COL19A1: variants seen among roughly 807,000 people sequenced by gnomAD.
COL19A1 encodes the protein collagen alpha-1(XIX) chain.
COL19A1 carries 159 observed loss-of-function variants against 190.2 expected under a neutral mutation model. The observed-to-expected ratio is 0.84, with a 90% CI of 0.73 to 0.95. The LOEUF is 0.95. COL19A1 is among the 40% of genes least tolerant of loss of function. The pLI, the probability that COL19A1 is intolerant of heterozygous loss-of-function variation, is 0.00. For missense variants in COL19A1, 1,418 were observed against 1,431.9 expected, an observed-to-expected ratio of 0.99 and a Z score of 0.16; for synonymous variants, 509 against 458.9, an observed-to-expected ratio of 1.11 and a Z score of -1.39.
At chr6:69,991,872 TG>T (rs1255951472) in intron 11 of COL19A1, among the ~76,000 whole-genome samples, 16 of 152,076 alleles carry the variant, frequency 1.1e-4, no homozygotes, top group Admixed American at 1.1e-3. Context: ...ATTTTTTGTT[TG>T]TTTTTTGCTG....
rs1405247884 is a variant in COL19A1, at chr6:70,149,981, T to C, written c.1984-11T>C. The C allele has an allele frequency of 6.2e-7, 1 of 1,613,760 alleles. No individual in the cohort carries two copies. The highest frequency in any genetic ancestry group is 8.5e-7 in the Non-Finnish European group (1 of 1,179,794). ...CGTGCAAAGATTGAACATGGATACCTCTGTTTTCAGGGAGTTCCAGGGAGA... is the reference window on the plus strand; with the variant it reads ...CGTGCAAAGATTGAACATGGATACCCCTGTTTTCAGGGAGTTCCAGGGAGA... On this transcript the variant is annotated splice_polypyrimidine_tract_variant and intron_variant, in intron 29 of 50. Coordinates refer to ENST00000620364, the MANE Select transcript of COL19A1 (RefSeq NM_001858.6).
chr6:70,186,257 A>G (rs1298250915), intron 46 of COL19A1, among the ~76,000 whole-genome samples: 1 of 152,178 alleles, frequency 6.6e-6, no homozygotes, highest in Non-Finnish European at 1.5e-5. Context: ...TACCTAACTT[A>G]TAAAATAATT....
chr6:69,988,029 A>G (rs1776403668), intron 11 of COL19A1, among the ~76,000 whole-genome samples: 3 of 152,212 alleles, frequency 2.0e-5, no homozygotes, highest in Non-Finnish European at 4.4e-5. Context: ...CAGGTTCTGG[A>G]AAAGACTCAA....
intron 14 of COL19A1, among the ~76,000 whole-genome samples, chr6:70,049,674 G>A (rs1780093314): frequency 1.3e-5 from 2 of 151,954 alleles, no homozygotes; most frequent in East Asian, 3.8e-4. Context: ...TTTCCTAAAA[G>A]TGCTATGCAT....
intron 9 of COL19A1, among the ~76,000 whole-genome samples, chr6:69,955,522 A>AGTGT (rs60501043): frequency 0.035 from 4,809 of 138,888 alleles, 104 homozygotes; most frequent in East Asian, 0.052. Flanking sequence ...GCCACAGCAA[A>AGTGT]GTGTGTGTGT....
chr6:70,075,739 A>T (rs1781844174), intron 15 of COL19A1, among the ~76,000 whole-genome samples: 1 of 152,040 alleles, frequency 6.6e-6, no homozygotes, highest in African/African-American at 2.4e-5. Context: ...AGTGCACTTG[A>T]GATAGAAGAG....
At chr6:70,001,037 A>C (rs918216268) in intron 11 of COL19A1, among the ~76,000 whole-genome samples, 1 of 152,080 alleles carries the variant, frequency 6.6e-6, no homozygotes, top group African/African-American at 2.4e-5. Flanking sequence ...TCTTGAGTTA[A>C]TTTTTGTATA....
At chr6:69,965,990 T>C (rs1327573680) in intron 11 of COL19A1, among the ~76,000 whole-genome samples, 1 of 152,210 alleles carries the variant, frequency 6.6e-6, no homozygotes, top group African/African-American at 2.4e-5. Flanking sequence ...TAGTGCAGGC[T>C]GCTACTACAA....
At chr6:69,966,855 A>C (rs1472607687) in intron 11 of COL19A1, among the ~76,000 whole-genome samples, 1 of 152,092 alleles carries the variant, frequency 6.6e-6, no homozygotes, top group East Asian at 1.9e-4. Context: ...CCCTGAGCTC[A>C]AGTTTTTACT....
intron 11 of COL19A1, among the ~76,000 whole-genome samples, chr6:69,996,953 T>C (rs1776942549): frequency 6.6e-6 from 1 of 151,268 alleles, no homozygotes; most frequent in Non-Finnish European, 1.5e-5. Context: ...TATATGTATG[T>C]ACATATATAG....
At chr6:70,026,493 A>T (rs1198117807) in intron 12 of COL19A1, among the ~76,000 whole-genome samples, 2 of 152,244 alleles carry the variant, frequency 1.3e-5, no homozygotes, top group East Asian at 3.8e-4. Context: ...AAGCATGACA[A>T]AGCACATTAA....
intron 31 of COL19A1, among the ~76,000 whole-genome samples, chr6:70,153,399 C>T (rs921440887): frequency 2.6e-4 from 40 of 152,244 alleles, no homozygotes; most frequent in African/African-American, 7.5e-4. Flanking sequence ...CCTCTTTGAA[C>T]GACTTTGTGT....
chr6:70,142,196 T>C, intron 22 of COL19A1, 120 bp downstream of exon 22: 2 of 879,638 alleles, frequency 2.3e-6, no homozygotes, highest in Non-Finnish European at 3.5e-6. Flanking sequence ...CAAGACTTTA[T>C]CCTGTTTCCA....
At chr6:70,143,378 T>G (rs181604064) in intron 23 of COL19A1, among the ~76,000 whole-genome samples, 1 of 152,300 alleles carries the variant, frequency 6.6e-6, no homozygotes. Flanking sequence ...ATCAGCTTTT[T>G]GTTCCTTGGA....
intron 39 of COL19A1, 63 bp downstream of exon 39, chr6:70,168,278 A>G: frequency 6.5e-7 from 1 of 1,540,150 alleles, no homozygotes; most frequent in Non-Finnish European, 8.9e-7. Context: ...AAAACAAACA[A>G]TAAAAACCTC....
At chr6:70,168,775 G>A in intron 40 of COL19A1, 94 bp downstream of exon 40, 2 of 1,323,836 alleles carry the variant, frequency 1.5e-6, no homozygotes, top group Non-Finnish European at 2.1e-6. Context: ...GCCTTCTTAG[G>A]TGTTCATCAA....
intron 15 of COL19A1, among the ~76,000 whole-genome samples, chr6:70,089,171 T>C (rs1460528869): frequency 6.6e-6 from 1 of 152,174 alleles, no homozygotes; most frequent in African/African-American, 2.4e-5. Flanking sequence ...ATTTGACTTT[T>C]TCCAAATAAT....
At chr6:70,007,771 C>A (rs1009032009) in intron 11 of COL19A1, among the ~76,000 whole-genome samples, 1 of 151,932 alleles carries the variant, frequency 6.6e-6, no homozygotes, top group African/African-American at 2.4e-5. Context: ...TAATAAAATA[C>A]ACATTTTTCC....
intron 15 of COL19A1, chr6:70,098,662 C>T (rs17712118): frequency 0.053 from 15,968 of 299,790 alleles, 495 homozygotes; most frequent in Middle Eastern, 0.08. Context: ...ACTTTTCAAA[C>T]GATGGCGTTC....
Sources: gnomAD v4.1 joint callset for allele counts (sites outside exome capture counted in the v4.1 genomes callset) on GRCh38, gnomAD v4.1.1 for gene constraint, MANE v1.5 for transcripts, NCBI Gene and HGNC (gene_info 2026-07-23, HGNC 2026-07-21) for gene names.